The following TRAPPC10 variants were observed in gnomAD, a reference collection of about 807,000 sequenced individuals.
TRAPPC10 encodes trafficking protein particle complex subunit 10.
TRAPPC10 carries 23 observed loss-of-function variants against 125.5 expected under a neutral mutation model. That is an observed-to-expected ratio of 0.18 (90% CI 0.13 to 0.26). The LOEUF (loss-of-function observed/expected upper bound fraction) is 0.26. Among genes scored for constraint, TRAPPC10 ranks in the 10% least tolerant of loss-of-function variants. TRAPPC10 has a pLI of 1.00. For synonymous variants in TRAPPC10, 509 were observed against 518.0 expected, an observed-to-expected ratio of 0.98 and a Z score of 0.24; for missense variants, 1,123 against 1,308.4, an observed-to-expected ratio of 0.86 and a Z score of 2.19.
chr21:44,058,913 C>T (rs1472318241), intron 5 of TRAPPC10, among the ~76,000 whole-genome samples, 190 bp from the exon 6 acceptor site: 1 of 152,216 alleles, frequency 6.6e-6, no homozygotes, highest in Non-Finnish European at 1.5e-5. Context: ...ATTACCTTAG[C>T]TTTTCCTAGC....
At position 44,032,438 on chromosome 21, in the gene TRAPPC10, A is replaced by G. The variant is rs536278205; in HGVS notation, c.149+266A>G. On this transcript the variant is annotated intron_variant, in intron 2 of 22. Transcript: ENST00000291574. ...CGTTCTGTCGCCCAGGCTGGAGTGCAGTAGCGCAATCTCGGCTCACTGCAA... is the reference window on the plus strand; with the variant it reads ...CGTTCTGTCGCCCAGGCTGGAGTGCGGTAGCGCAATCTCGGCTCACTGCAA... Among the ~76,000 whole-genome samples the G allele has an allele frequency of 3.6e-5, 5 of 137,692 alleles. No individual in the cohort carries two copies. In the East Asian group the frequency reaches 1.1e-3, roughly 29 times the overall value. 90.3% of individuals were successfully genotyped at this position (137,692 alleles called of 152,430 possible).
chr21:44,046,998 G>C (rs2034869468), intron 3 of TRAPPC10: 1 of 793,806 alleles, frequency 1.3e-6, no homozygotes, highest in Non-Finnish European at 2.2e-6. Flanking sequence ...AACCGCCTTT[G>C]TCTTGGCCTT....
At position 44,082,767 on chromosome 21, in the gene TRAPPC10, T is replaced by TA. The variant is rs764728856; in HGVS notation, c.1724-20dup. 6.2e-7 allele frequency: 1 copy of TA among 1,610,382 alleles called. No homozygotes were observed. The highest frequency in any genetic ancestry group is 8.5e-7 in the Non-Finnish European group (1 of 1,177,126). On this transcript the variant is annotated intron_variant, in intron 13 of 22. Transcript: ENST00000291574. This position sits in a 1 kb window ranked among gnomAD's most constrained non-coding sequence, Gnocchi z 4.4. ...AGGAAGTGTGACTTGGGGAGTCACT[T>TA]ACGATAATGTCTATTTACAGGTCAT...
At chr21:44,057,894 A>T (rs74355621) in intron 5 of TRAPPC10, among the ~76,000 whole-genome samples, 2,623 of 152,250 alleles carry the variant, frequency 0.017, 74 homozygotes, top group African/African-American at 0.059. Context: ...AGACCTGACC[A>T]TGTCAGGGGA....
intron 19 of TRAPPC10, 136 bp from the exon 20 acceptor site, chr21:44,093,927 T>G: frequency 1.2e-6 from 1 of 844,704 alleles, no homozygotes; most frequent in Non-Finnish European, 1.8e-6. Context: ...GCAGCATGCA[T>G]AGGCGTGCTG....
chr21:44,043,359 G>A (rs909876572), intron 3 of TRAPPC10, among the ~76,000 whole-genome samples: 3 of 151,342 alleles, frequency 2.0e-5, no homozygotes, highest in Non-Finnish European at 4.4e-5. Context: ...GACTACAGGC[G>A]CCCACCACCA....
intron 1 of TRAPPC10, among the ~76,000 whole-genome samples, chr21:44,012,765 C>G (rs894601594): frequency 6.6e-6 from 1 of 152,026 alleles, no homozygotes; most frequent in African/African-American, 2.4e-5. Flanking sequence ...CGACCTCTGA[C>G]CCCTGGGGGG....
chr21:44,059,835 G>T lies in TRAPPC10; in HGVS notation c.790+621G>T. ...CAGCCCATCCTGGGCATCTCTCCAG[G>T]TTAGCAGGTGGGGTTTGGAGTTGTT... On this transcript the variant is annotated intron_variant, in intron 6 of 22. Transcript: ENST00000291574. The surrounding 1 kb of genome is among the most constrained non-coding windows in gnomAD (Gnocchi z 4.4). 3.4e-6 allele frequency: 1 copy of T among 298,154 alleles called. No individual in the cohort carries two copies. Among genetic ancestry groups the T allele is most frequent in the Non-Finnish European group, 6.2e-6 (1 of 162,338 alleles). The allele number at this position is 298,154 out of a possible 1,614,324, so 18.5% of individuals were successfully genotyped here. A position where few individuals can be genotyped will look rare whatever the true frequency, so the allele number is the denominator to read the frequency against.
chr21:44,074,716 G>A (rs2037145539), intron 8 of TRAPPC10, among the ~76,000 whole-genome samples: 1 of 152,228 alleles, frequency 6.6e-6, no homozygotes. Context: ...CCTGAGTCGG[G>A]GGACACGAGG....
Position 44,082,692 on chromosome 21 carries a change from T to C in TRAPPC10, c.1724-96T>C. 2 of 1,402,880 alleles carry C rather than the reference T, an allele frequency of 1.4e-6. No individual in the cohort carries two copies. Among genetic ancestry groups the C allele is most frequent in the Non-Finnish European group, 2.0e-6 (2 of 1,015,996 alleles). 86.9% of individuals were successfully genotyped at this position (1,402,880 alleles called of 1,614,324 possible). A position where few individuals can be genotyped will look rare whatever the true frequency, so the allele number is the denominator to read the frequency against. On this transcript the variant is annotated intron_variant, in intron 13 of 22. Transcript: ENST00000291574. This position sits in a 1 kb window ranked among gnomAD's most constrained non-coding sequence, Gnocchi z 4.4. The stretch of plus-strand genomic sequence containing the variant: ...TGCCCATCACTGCTGCTTGCTTCAG[T>C]CTGCTCTCGGTGATCTTACTGTGTC...
chr21:44,035,052 G>A (rs923441466), intron 2 of TRAPPC10, among the ~76,000 whole-genome samples: 1 of 152,224 alleles, frequency 6.6e-6, no homozygotes, highest in Non-Finnish European at 1.5e-5. Flanking sequence ...TCATGCAGGA[G>A]GGCAGGTTGA....
Position 44,091,949 on chromosome 21 carries a change from A to G in TRAPPC10, c.2897A>G (p.Asn966Ser). Residue 966 changes from asparagine to serine, a missense_variant, in exon 19 of 23, where the codon AAT becomes AGT. Coordinates refer to ENST00000291574, the MANE Select transcript of TRAPPC10 (RefSeq NM_003274.5). ...TRKYVQVCVQ[N>S]LSELDFQLSD... ...AAATATGTTCAAGTTTGTGTCCAGA[A>G]TTTGTCAGAACTTGACTTTCAGCTG... 4.3e-6 allele frequency: 7 copies of G among 1,614,054 alleles called. No homozygotes were observed. Among genetic ancestry groups the G allele is most frequent in the Non-Finnish European group, 5.9e-6 (7 of 1,179,996 alleles).
Position 44,083,254 on chromosome 21 carries a change from C to T in TRAPPC10, c.2190C>T (p.Ser730=), listed in dbSNP as rs773978208. The change falls in exon 14 of 23, where the codon AGC becomes AGT. Residue 730 remains serine (S), a synonymous_variant. Coordinates refer to ENST00000291574, the MANE Select transcript of TRAPPC10 (RefSeq NM_003274.5). ...AGGGTGCCCACGTGCTGAGGTGCAG[C>T]CACGTGACCCTGGAACCAGGGGCCA... ...LEEGAHVLRC[S]HVTLEPGANQ... is the part of the protein sequence containing the mutation. The T allele has an allele frequency of 5.6e-6, 9 of 1,614,068 alleles. No individual in the cohort carries two copies. The East Asian group carries it at 6.7e-5, about 12-fold the overall frequency.
chr21:44,068,902 G>T (rs1279207341), intron 7 of TRAPPC10, among the ~76,000 whole-genome samples: 3 of 151,928 alleles, frequency 2.0e-5, no homozygotes, highest in African/African-American at 7.3e-5. Context: ...GCACCCAGCC[G>T]GCAGATTTTA....
Position 44,094,315 on chromosome 21 carries a change from T to C in TRAPPC10, c.3168+82T>C, listed in dbSNP as rs927149053. ...GTTCTTTATAATCTGAAGAACTGAA[T>C]AGACAGCTTCTGTCAACATAATGAA... On this transcript the variant is annotated intron_variant, in intron 20 of 22. Coordinates refer to ENST00000291574, the MANE Select transcript of TRAPPC10 (RefSeq NM_003274.5). The C allele has an allele frequency of 2.3e-6, 3 of 1,306,616 alleles. No homozygotes were observed. In the African/African-American group the frequency reaches 4.4e-5, roughly 19 times the overall value. 80.9% of individuals were successfully genotyped at this position (1,306,616 alleles called of 1,614,324 possible).
chr21:44,024,588 A>G (rs1343472368), intron 1 of TRAPPC10, among the ~76,000 whole-genome samples: 1 of 152,236 alleles, frequency 6.6e-6, no homozygotes, highest in Non-Finnish European at 1.5e-5. Context: ...CCCATAAGGA[A>G]TGAACAGTCA....
At chr21:44,013,717 C>T (rs2031465104) in intron 1 of TRAPPC10, among the ~76,000 whole-genome samples, 1 of 152,046 alleles carries the variant, frequency 6.6e-6, no homozygotes, top group Non-Finnish European at 1.5e-5. Context: ...CTCTTCTCCT[C>T]TCCTCCTCTC....
intron 15 of TRAPPC10, among the ~76,000 whole-genome samples, chr21:44,084,909 G>A (rs1489279510): frequency 6.6e-6 from 1 of 152,196 alleles, no homozygotes; most frequent in East Asian, 1.9e-4. Context: ...AAGTGTGGAG[G>A]GTGAGGTATG....
chr21:44,017,981 T>C (rs2032061213), intron 1 of TRAPPC10, among the ~76,000 whole-genome samples: 3 of 152,282 alleles, frequency 2.0e-5, no homozygotes, highest in African/African-American at 7.2e-5. Flanking sequence ...GAACCCGTGC[T>C]GTTAGTGTTA....
Sources: allele counts gnomAD v4.1 joint callset (sites outside exome capture counted in the v4.1 genomes callset), GRCh38; gene constraint gnomAD v4.1.1; non-coding constraint Gnocchi (gnomAD v3.1); transcripts MANE v1.5; gene names NCBI Gene and HGNC (gene_info 2026-07-23, HGNC 2026-07-21).